Variants in CHM observed in about 807,000 individuals in gnomAD.
CHM encodes the protein rab proteins geranylgeranyltransferase component A 1.
Under a neutral mutation model 49.0 loss-of-function variants are expected in CHM, and 10 were observed. That is an observed-to-expected ratio of 0.20 (90% confidence interval 0.13 to 0.35). CHM has a LOEUF of 0.35. CHM is among the 10% of genes least tolerant of loss of function. The pLI, the probability that CHM is intolerant of heterozygous loss-of-function variation, is 1.00. For synonymous variants in CHM, 184 were observed against 167.5 expected (o/e 1.10, Z -0.76); for missense variants, 455 against 478.4 (o/e 0.95, Z 0.46).
At chrX:85,876,444 G>A (rs772228298) in intron 13 of CHM, among the ~76,000 whole-genome samples, 15 of 111,809 alleles carry the variant, frequency 1.3e-4, no homozygotes, top group East Asian at 8.4e-4. Flanking sequence ...CTCCTACAGA[G>A]AAGAATGTGC....
At chrX:85,868,045 G>GTA (rs1923817580) in intron 14 of CHM, among the ~76,000 whole-genome samples, 1 of 111,201 alleles carries the variant, frequency 9.0e-6, no homozygotes, top group Non-Finnish European at 1.9e-5. Context: ...GTGTGTGTGT[G>GTA]TGTGTGTGTT....
rs745943716 is a variant in CHM, at chrX:85,991,766, T to A, written c.117-9957A>T. Among the ~76,000 whole-genome samples the A allele has an allele frequency of 9.0e-5, 10 of 110,807 alleles. No individual in the cohort carries two copies. The South Asian group carries it at 3.0e-3, about 33-fold the overall frequency. Reference sequence around the variant, plus strand: ...TAACCAACAAACATGTTTTTTTTTTTAAAGTATATTAAAGGATTAGGGCTT... The same window carrying A: ...TAACCAACAAACATGTTTTTTTTTTAAAAGTATATTAAAGGATTAGGGCTT... On this transcript the variant is annotated intron_variant, in intron 2 of 14. Coordinates refer to ENST00000357749, the MANE Select transcript of CHM (RefSeq NM_000390.4).
chrX:85,864,847 C>A (rs774729117), intron 14 of CHM, 26 bp from the exon 15 acceptor site: 2 of 1,176,583 alleles, frequency 1.7e-6, no homozygotes, highest in Non-Finnish European at 2.3e-6. Flanking sequence ...AAGATAAAAT[C>A]GTTTTTGGAA....
chrX:85,920,476 G>C (rs192266482), intron 8 of CHM, among the ~76,000 whole-genome samples: 64 of 111,772 alleles, frequency 5.7e-4, no homozygotes, highest in African/African-American at 2.0e-3. Flanking sequence ...ACCCAAATAG[G>C]AGGCATTTAC....
chrX:86,005,506 A>T lies in CHM; in HGVS notation c.116+21985T>A, dbSNP rs755539733. Reference sequence around the variant, plus strand: ...TTTTTTGAAAAGATCAACAAAATTGATAGAGAGCTAGAAAGACTAATAAAG... The same window carrying T: ...TTTTTTGAAAAGATCAACAAAATTGTTAGAGAGCTAGAAAGACTAATAAAG... On this transcript the variant is annotated intron_variant, in intron 2 of 14. Coordinates refer to ENST00000357749, the MANE Select transcript of CHM (RefSeq NM_000390.4). Among the ~76,000 whole-genome samples the T allele has an allele frequency of 2.7e-5, 3 of 111,984 alleles. No individual in the cohort carries two copies. The South Asian group carries it at 1.1e-3, about 42-fold the overall frequency.
At chrX:85,953,007 T>C (rs1374705946) in intron 8 of CHM, among the ~76,000 whole-genome samples, 1 of 112,705 alleles carries the variant, frequency 8.9e-6, no homozygotes, top group East Asian at 2.8e-4. Context: ...TTGCAGATGA[T>C]ATAATTTTAT....
At chrX:85,970,868 A>C in intron 4 of CHM, 1 of 608,446 alleles carries the variant, frequency 1.6e-6, no homozygotes, top group Non-Finnish European at 2.0e-6. Context: ...AACAATCTGG[A>C]TAGTTCTTTA....
intron 8 of CHM, among the ~76,000 whole-genome samples, chrX:85,913,342 AAGAAAGAAAGAAAGAAAG>A (rs1927217212): frequency 5.1e-5 from 4 of 78,394 alleles, no homozygotes; most frequent in African/African-American, 1.4e-4. Flanking sequence ...AAAAGAAAGA[AAGAAAGAAAGAAAGAAAG>A]AAAGAAAGAA....
Position 85,894,262 on chromosome X carries a change from G to T in CHM, c.1436C>A (p.Ala479Glu). ...DQQISILTVP[A>E]EEPGTFAVRV... Reference sequence around the variant, plus strand: ...AACAGCAAAAGTTCCTGGTTCCTCTGCTGGCACTGTCAAAATGGAAATCTA... The same window carrying T: ...AACAGCAAAAGTTCCTGGTTCCTCTTCTGGCACTGTCAAAATGGAAATCTA... Residue 479 changes from alanine to glutamate, a missense_variant, in exon 12 of 15, where the codon GCA (alanine) becomes GAA (glutamate). By Grantham distance (107) the Ala-to-Glu change is moderately radical. Transcript: ENST00000357749. 8.3e-7 allele frequency: 1 copy of T among 1,208,253 alleles called. No individual in the cohort carries two copies. Among genetic ancestry groups the T allele is most frequent in the African/African-American group, 1.7e-5 (1 of 57,601 alleles).
chrX:85,919,026 G>A (rs900775519), intron 8 of CHM, among the ~76,000 whole-genome samples: 3 of 111,344 alleles, frequency 2.7e-5, no homozygotes, highest in African/African-American at 9.8e-5. Flanking sequence ...ACCCAACAAC[G>A]ACAGAATATA....
intron 9 of CHM, among the ~76,000 whole-genome samples, chrX:85,905,647 T>C (rs1413735997): frequency 9.0e-6 from 1 of 111,316 alleles, no homozygotes; most frequent in African/African-American, 3.3e-5. Context: ...AAGGATAACA[T>C]ACAGTTAAGC....
intron 1 of CHM, among the ~76,000 whole-genome samples, chrX:86,044,704 TACCCTGAAAATG>T (rs1340419586): frequency 9.0e-6 from 1 of 111,478 alleles, no homozygotes; most frequent in Non-Finnish European, 1.9e-5. Flanking sequence ...AATGGCAAAA[TACCCTGAAAATG>T]ACAATTCTGT....
rs769967072 is a variant in CHM, at chrX:85,934,279, CT to C, written c.1166+21873del. ...ACAGGCATGAGCCACTGCGCTCAGC[CT>C]TTTTTTTTTTTTTTTTTTTTTTTTT... is the stretch of plus-strand genomic sequence containing the variant. On this transcript the variant is annotated intron_variant, in intron 8 of 14. Transcript: ENST00000357749. 7.7e-3 allele frequency among the ~76,000 whole-genome samples: 552 copies of C among 71,236 alleles called. 2 individuals are homozygous for C. The highest frequency in any genetic ancestry group is 0.02 in the Middle Eastern group (2 of 100). 61.9% of individuals were successfully genotyped at this position (71,236 alleles called of 115,157 possible).
In CHM at chrX:85,957,908, A is replaced by C; in HGVS notation, c.887T>G (p.Met296Arg). Residue 296 changes from methionine to arginine, a missense_variant, in exon 7 of 15, where the codon ATG becomes AGG. Met to Arg is a moderately conservative substitution (Grantham distance 91). Transcript: ENST00000357749. ...QLTMVEKRML[M>R]KFLTFCMEYE... The stretch of plus-strand genomic sequence containing the variant: ...TTCCATACAAAATGTAAGAAATTTC[A>C]TTAGCATTCGCTTTTCTACCATAGT... 1 of 1,210,695 alleles carries C rather than the reference A, an allele frequency of 8.3e-7. No homozygotes were observed. The highest frequency in any genetic ancestry group is 1.1e-6 in the Non-Finnish European group (1 of 894,726).
intron 14 of CHM, among the ~76,000 whole-genome samples, chrX:85,865,622 G>C (rs5968703): frequency 0.078 from 8,685 of 111,226 alleles, 741 homozygotes; most frequent in African/African-American, 0.26. Flanking sequence ...CAGAAGAAGA[G>C]AGGTAAATGT....
rs187348349 is a variant in CHM, at chrX:85,862,917, A to C, written c.*1713T>G. ...TGGAGCCATGGCTTCCTGACAGACA[A>C]TATAGGCCAGATGTTGTGAGAAAAA... On this transcript the variant is annotated 3_prime_UTR_variant, in exon 15 of 15. Coordinates refer to ENST00000357749, the MANE Select transcript of CHM (RefSeq NM_000390.4). 1.1e-4 allele frequency: 12 copies of C among 111,356 alleles called. No individual in the cohort carries two copies. Among genetic ancestry groups the C allele is most frequent in the Non-Finnish European group, 1.5e-4 (8 of 53,002 alleles). The allele number at this position is 111,356 out of a possible 1,213,427, so 9.2% of individuals were successfully genotyped here.
rs73506499 is a variant in CHM at position 86,031,433 on chromosome X, A to G, written c.50-3876T>C. Among the ~76,000 whole-genome samples the G allele has an allele frequency of 8.4e-3, 945 of 112,223 alleles. 10 individuals carry two copies. The highest frequency in any genetic ancestry group is 0.029 in the African/African-American group (884 of 30,918). ...CTGAGGAATAGGGAGTCTTGAAAGGACTTTAGCCAGATCATGGTCAAATCA... is the reference window on the plus strand; with the variant it reads ...CTGAGGAATAGGGAGTCTTGAAAGGGCTTTAGCCAGATCATGGTCAAATCA... On this transcript the variant is annotated intron_variant, in intron 1 of 14. Transcript: ENST00000357749.
chrX:86,043,728 T>C (rs1385220085), intron 1 of CHM, among the ~76,000 whole-genome samples: 1 of 107,708 alleles, frequency 9.3e-6, no homozygotes, highest in African/African-American at 3.5e-5. Context: ...ACCTGGCCAA[T>C]GAAACTTTTT....
At chrX:85,997,181 C>T (rs1416438477) in intron 2 of CHM, among the ~76,000 whole-genome samples, 2 of 111,579 alleles carry the variant, frequency 1.8e-5, no homozygotes, top group African/African-American at 6.5e-5. Context: ...TGCATTGCGG[C>T]CACTCCAATT....
Sources: allele counts gnomAD v4.1 joint callset (sites outside exome capture counted in the v4.1 genomes callset), GRCh38; gene constraint gnomAD v4.1.1; transcripts MANE v1.5; gene names NCBI Gene and HGNC (gene_info 2026-07-23, HGNC 2026-07-21).